Variants in PIK3CB observed in about 807,000 individuals in gnomAD.
PIK3CB encodes the protein phosphatidylinositol 4,5-bisphosphate 3-kinase catalytic subunit beta isoform.
In PIK3CB, 39 loss-of-function variants were observed where a neutral mutation model predicts 136.8. The ratio of observed to expected loss-of-function variants is 0.29; its 90% CI spans 0.22 to 0.37. PIK3CB has a LOEUF of 0.37. Among genes scored for constraint, PIK3CB ranks in the 10% least tolerant of loss-of-function variants. The pLI, the probability that PIK3CB is intolerant of heterozygous loss-of-function variation, is 1.00. For missense variants in PIK3CB, 868 were observed against 1,275.4 expected (o/e 0.68, Z 4.87); for synonymous variants, 428 against 436.6 (o/e 0.98, Z 0.25).
Position 138,681,987 on chromosome 3 carries a change from T to C in PIK3CB, c.2484A>G (p.Lys828=), listed in dbSNP as rs758223090. Residue 828 remains lysine (K), a synonymous_variant, in exon 19 of 24, where the codon AAA becomes AAG. Transcript: ENST00000674063. Reference sequence around the variant, plus strand: ...CTCACCGAAGATCCAAACCAGCTTCTTTCCAGAGTAAATCCATCAAGCGCA... The same window carrying C: ...CTCACCGAAGATCCAAACCAGCTTCCTTCCAGAGTAAATCCATCAAGCGCA... ...QMLRLMDLLW[K]EAGLDLRMLP... is the part of the protein sequence containing the mutation. 5 of 1,608,888 alleles carry C rather than the reference T, an allele frequency of 3.1e-6. No individual in the cohort carries two copies. The South Asian group carries it at 5.6e-5, about 18-fold the overall frequency.
In PIK3CB at chr3:138,665,052, T is replaced by C. The variant is rs1395406638; in HGVS notation, c.2656A>G (p.Lys886Glu). ...FNKDALLNWL[K>E]EYNSGDDLDR... is the part of the protein sequence containing the mutation. The stretch of plus-strand genomic sequence containing the variant: ...TAAACTAACCCAGAGTTGTATTCTT[T>C]AAGCCAGTTCAGAAGGGCATCTTTG... Residue 886 changes from lysine (K) to glutamate (E), a missense_variant, in exon 20 of 24, where the codon AAA (lysine) becomes GAA (glutamate). By Grantham distance (56) the Lys-to-Glu change is moderately conservative (BLOSUM62 1). This residue lies in a region of PIK3CB where 165 missense variants were observed against 295.4 expected (regional missense o/e 0.56). Coordinates refer to ENST00000674063, the MANE Select transcript of PIK3CB (RefSeq NM_006219.3). 7 of 1,609,718 alleles carry C rather than the reference T, an allele frequency of 4.3e-6. No individual in the cohort carries two copies. Among genetic ancestry groups the C allele is most frequent in the Non-Finnish European group, 5.9e-6 (7 of 1,177,368 alleles).
Position 138,653,645 on chromosome 3 carries a change from G to T in PIK3CB, c.*1744C>A, listed in dbSNP as rs1301906612. 2 of 184,164 alleles carry T rather than the reference G, an allele frequency of 1.1e-5. No individual in the cohort carries two copies. The highest frequency in any genetic ancestry group is 1.8e-4 in the East Asian group (2 of 11,398). 11.4% of individuals were successfully genotyped at this position (184,164 alleles called of 1,614,324 possible). A position where few individuals can be genotyped will look rare whatever the true frequency, so the allele number is the denominator to read the frequency against. ...TCTCAGTGAGTCTACACCAGCCCTGGAAATGAGGAATTCAGGGGCCAACTC... is the reference window on the plus strand; with the variant it reads ...TCTCAGTGAGTCTACACCAGCCCTGTAAATGAGGAATTCAGGGGCCAACTC... On this transcript the variant is annotated 3_prime_UTR_variant, in exon 24 of 24. Coordinates refer to ENST00000674063, the MANE Select transcript of PIK3CB (RefSeq NM_006219.3).
chr3:138,805,436 C>T (rs1487243355), intron 1 of PIK3CB, among the ~76,000 whole-genome samples: 1 of 151,614 alleles, frequency 6.6e-6, no homozygotes, highest in Non-Finnish European at 1.5e-5. Flanking sequence ...TTTGGGAGGC[C>T]GAGGTCGGCA....
chr3:138,763,350 G>A (rs545953367), intron 2 of PIK3CB, among the ~76,000 whole-genome samples: 9 of 152,176 alleles, frequency 5.9e-5, no homozygotes, highest in African/African-American at 2.2e-4. Context: ...TGTTGGTCAG[G>A]CTAGTCTCAA....
At chr3:138,776,059 G>C (rs149384898) in intron 2 of PIK3CB, among the ~76,000 whole-genome samples, 4,751 of 152,118 alleles carry the variant, frequency 0.031, 254 homozygotes, top group African/African-American at 0.11. Flanking sequence ...TTAGCCGGGC[G>C]TGGTGGCGTG....
At chr3:138,698,017 G>T in intron 13 of PIK3CB, among the ~76,000 whole-genome samples, 1 of 152,186 alleles carries the variant, frequency 6.6e-6, no homozygotes, top group Non-Finnish European at 1.5e-5. Context: ...AGAGGTGTGT[G>T]CTACCATGCC....
At chr3:138,697,321 TTAAAA>T (rs1346305689) in intron 13 of PIK3CB, among the ~76,000 whole-genome samples, 2 of 152,184 alleles carry the variant, frequency 1.3e-5, no homozygotes, top group Non-Finnish European at 2.9e-5. Flanking sequence ...TCTACAGCAA[TTAAAA>T]TAAAATAGTT....
At chr3:138,751,046 A>G (rs2045461338) in intron 4 of PIK3CB, among the ~76,000 whole-genome samples, 1 of 152,194 alleles carries the variant, frequency 6.6e-6, no homozygotes, top group Non-Finnish European at 1.5e-5. Flanking sequence ...TGTTAGAATC[A>G]CATAAAAAAA....
rs549384123 is a variant in PIK3CB, at chr3:138,695,786, GC to G, written c.1771-880del. ...TTTCTGAGACAGTTTCACTCTTGTT[GC>G]CCAGGATGGAGTACAATAGTGCAAT... On this transcript the variant is annotated intron_variant, in intron 13 of 23. Coordinates refer to ENST00000674063, the MANE Select transcript of PIK3CB (RefSeq NM_006219.3). Among the ~76,000 whole-genome samples, 578 of 151,846 alleles carry G rather than the reference GC, an allele frequency of 3.8e-3. 5 individuals are homozygous for G. The highest frequency in any genetic ancestry group is 0.013 in the African/African-American group (555 of 41,392).
At chr3:138,830,935 A>T (rs928631980) in intron 1 of PIK3CB, among the ~76,000 whole-genome samples, 1 of 147,414 alleles carries the variant, frequency 6.8e-6, no homozygotes, top group Non-Finnish European at 1.5e-5. Context: ...AATAATAATA[A>T]TAATAATAAT....
chr3:138,710,390 G>A (rs1403381371), intron 10 of PIK3CB, among the ~76,000 whole-genome samples: 2 of 152,098 alleles, frequency 1.3e-5, no homozygotes, highest in African/African-American at 4.8e-5. Context: ...GGTGACAACT[G>A]CTAGTACATG....
intron 1 of PIK3CB, among the ~76,000 whole-genome samples, chr3:138,801,935 A>T (rs892754139): frequency 7.3e-5 from 11 of 151,264 alleles, no homozygotes; most frequent in Admixed American, 6.0e-4. Flanking sequence ...AATCCTAGCC[A>T]CTTGGGAGGC....
chr3:138,806,494 A>G (rs1010893505), intron 1 of PIK3CB, among the ~76,000 whole-genome samples: 2 of 152,164 alleles, frequency 1.3e-5, no homozygotes, highest in Non-Finnish European at 2.9e-5. Flanking sequence ...CAAAAAAAAA[A>G]AGATCACTGT....
intron 1 of PIK3CB, among the ~76,000 whole-genome samples, chr3:138,798,693 A>G (rs748705688): frequency 4.6e-5 from 7 of 152,134 alleles, no homozygotes; most frequent in Non-Finnish European, 7.3e-5. Flanking sequence ...TAGTAAATGA[A>G]TGAACCAAAA....
intron 4 of PIK3CB, among the ~76,000 whole-genome samples, chr3:138,750,898 G>A (rs1485500918): frequency 6.6e-6 from 1 of 152,130 alleles, no homozygotes; most frequent in Admixed American, 6.5e-5. Context: ...TGGATTGTGA[G>A]GTCTAAGCAG....
chr3:138,702,545 A>C (rs1309665774), intron 12 of PIK3CB, among the ~76,000 whole-genome samples: 1 of 152,174 alleles, frequency 6.6e-6, no homozygotes, highest in Non-Finnish European at 1.5e-5. Flanking sequence ...TCTGAGGTTC[A>C]AGGAGCAATA....
intron 6 of PIK3CB, 68 bp from the exon 7 acceptor site, chr3:138,734,872 A>G: frequency 9.0e-7 from 1 of 1,112,038 alleles, no homozygotes; most frequent in Non-Finnish European, 1.3e-6. Flanking sequence ...AATAAAATGA[A>G]GCTGAACAAC....
rs575355518 is a variant in PIK3CB, at chr3:138,755,683, A to G, written c.397+71T>C. ...CACACTTTGAAAAGCAATGTCTTAAATATACTTACTATATGTTTATATAAA... is the reference window on the plus strand; with the variant it reads ...CACACTTTGAAAAGCAATGTCTTAAGTATACTTACTATATGTTTATATAAA... On this transcript the variant is annotated intron_variant, in intron 4 of 23. Coordinates refer to ENST00000674063, the MANE Select transcript of PIK3CB (RefSeq NM_006219.3). 1.9e-4 allele frequency: 138 copies of G among 710,326 alleles called. No homozygotes were observed. In the African/African-American group the frequency reaches 2.2e-3, roughly 12 times the overall value. 44.0% of individuals were successfully genotyped at this position (710,326 alleles called of 1,614,324 possible). A position where few individuals can be genotyped will look rare whatever the true frequency, so the allele number is the denominator to read the frequency against.
At chr3:138,759,611 G>GA (rs926786659) in intron 2 of PIK3CB, among the ~76,000 whole-genome samples, 1 of 151,152 alleles carries the variant, frequency 6.6e-6, no homozygotes, top group Admixed American at 6.6e-5. Context: ...CCAACTAAAG[G>GA]AAAAAAATTA....
Sources: gnomAD v4.1 joint callset for allele counts (sites outside exome capture counted in the v4.1 genomes callset) on GRCh38, gnomAD v4.1.1 for gene constraint, gnomAD v4.1.1 regional missense constraint, MANE v1.5 for transcripts, NCBI Gene and HGNC (gene_info 2026-07-23, HGNC 2026-07-21) for gene names.